The following TGFBR2 variants were observed in gnomAD, a reference collection of about 807,000 sequenced individuals.
The protein encoded by TGFBR2 is TGF-beta receptor type-2.
A neutral mutation model predicts 49.0 loss-of-function variants in TGFBR2; 18 were observed. The ratio of observed to expected loss-of-function variants is 0.37; its 90% CI spans 0.25 to 0.54. The LOEUF (loss-of-function observed/expected upper bound fraction) is 0.54. Ranked by LOEUF, TGFBR2 falls within the 20% of genes least tolerant of loss-of-function variation. The pLI, the probability that TGFBR2 is intolerant of heterozygous loss-of-function variation, is 0.85. For synonymous variants in TGFBR2, 282 were observed against 275.9 expected, an observed-to-expected ratio of 1.02 and a Z score of -0.22; for missense variants, 525 against 722.6, an observed-to-expected ratio of 0.73 and a Z score of 3.13.
At chr3:30,673,307 A>G (rs1476150993) in intron 4 of TGFBR2, among the ~76,000 whole-genome samples, 2 of 152,250 alleles carry the variant, frequency 1.3e-5, no homozygotes. Context: ...TGGAATGATA[A>G]TATCAACTCA....
intron 3 of TGFBR2, among the ~76,000 whole-genome samples, chr3:30,657,178 A>T (rs1379960720): frequency 6.6e-6 from 1 of 152,108 alleles, no homozygotes; most frequent in African/African-American, 2.4e-5. Flanking sequence ...TAGAAGGAAT[A>T]CCCTTACCCT....
chr3:30,618,545 C>A (rs937398866), intron 1 of TGFBR2, among the ~76,000 whole-genome samples: 2 of 152,086 alleles, frequency 1.3e-5, no homozygotes, highest in Non-Finnish European at 2.9e-5. Context: ...CCCAAGGACC[C>A]ATTTCTATAT....
intron 1 of TGFBR2, among the ~76,000 whole-genome samples, chr3:30,609,988 A>G (rs548608720): frequency 6.6e-6 from 1 of 152,234 alleles, no homozygotes; most frequent in Non-Finnish European, 1.5e-5. Flanking sequence ...TAACTACTAC[A>G]TGTTTTCTAC....
chr3:30,640,422 C>T (rs1336581942), intron 1 of TGFBR2, among the ~76,000 whole-genome samples: 1 of 152,112 alleles, frequency 6.6e-6, no homozygotes, highest in Non-Finnish European at 1.5e-5. Flanking sequence ...GGATTGGTTC[C>T]AAGACTCCTC....
At chr3:30,658,851 T>C (rs1031663553) in intron 3 of TGFBR2, among the ~76,000 whole-genome samples, 5 of 152,214 alleles carry the variant, frequency 3.3e-5, no homozygotes, top group African/African-American at 1.2e-4. Context: ...TGGTTCCCTC[T>C]GGACCCATTG....
rs1699183326 is a variant in TGFBR2 at position 30,663,423 on chromosome 3, T to TTA, written c.455-8212_455-8211dup. 2.0e-5 allele frequency among the ~76,000 whole-genome samples: 3 copies of TTA among 152,334 alleles called. No individual in the cohort carries two copies. The South Asian group carries it at 6.2e-4, about 32-fold the overall frequency. ...AATAGGTCAGACCATTTCATGTACT[T>TTA]TATAAAGGCACTTTGTAGATTTGTC... is the stretch of plus-strand genomic sequence containing the variant. On this transcript the variant is annotated intron_variant, in intron 3 of 6. Transcript: ENST00000295754.
rs1699447773 is a variant in TGFBR2 at position 30,676,793 on chromosome 3, C to T, written c.1396+2547C>T. 6.6e-6 allele frequency among the ~76,000 whole-genome samples: 1 copy of T among 152,126 alleles called. No homozygotes were observed. The highest frequency in any genetic ancestry group is 1.5e-5 in the Non-Finnish European group (1 of 68,042). On this transcript the variant is annotated intron_variant, in intron 5 of 6. Transcript: ENST00000295754. The surrounding 1 kb of genome is among the most constrained non-coding windows in gnomAD (Gnocchi z 4.3). ...TCCTGAGACCCCCGCATGGGGATGGCACTTCCTATCTAGCTGACATAGTTA... is the reference window on the plus strand; with the variant it reads ...TCCTGAGACCCCCGCATGGGGATGGTACTTCCTATCTAGCTGACATAGTTA...
chr3:30,671,045 A>G (rs1699327808), intron 3 of TGFBR2, among the ~76,000 whole-genome samples: 1 of 152,238 alleles, frequency 6.6e-6, no homozygotes, highest in Non-Finnish European at 1.5e-5. Flanking sequence ...TTTTTACCAG[A>G]TGTCATACAT....
intron 2 of TGFBR2, among the ~76,000 whole-genome samples, chr3:30,649,065 GGTGA>G (rs1483988707): frequency 1.3e-5 from 2 of 152,104 alleles, no homozygotes; most frequent in Non-Finnish European, 2.9e-5. Context: ...GGGGAAAATT[GGTGA>G]GTGAGTACAT....
intron 1 of TGFBR2, among the ~76,000 whole-genome samples, chr3:30,625,737 A>C (rs1698321081): frequency 6.6e-6 from 1 of 152,158 alleles, no homozygotes; most frequent in African/African-American, 2.4e-5. Flanking sequence ...CATATGAGAA[A>C]ATTAATTGGG....
At chr3:30,629,846 G>A (rs1407636264) in intron 1 of TGFBR2, among the ~76,000 whole-genome samples, 2 of 152,162 alleles carry the variant, frequency 1.3e-5, no homozygotes, top group Non-Finnish European at 1.5e-5. Flanking sequence ...AGAAGCGGTT[G>A]TCAAGAATGG....
Position 30,676,466 on chromosome 3 carries a change from C to A in TGFBR2, c.1396+2220C>A, listed in dbSNP as rs116052825. 4.6e-3 allele frequency among the ~76,000 whole-genome samples: 695 copies of A among 152,084 alleles called. 6 individuals carry two copies. The highest frequency in any genetic ancestry group is 0.016 in the African/African-American group (661 of 41,350). On this transcript the variant is annotated intron_variant, in intron 5 of 6. Coordinates refer to ENST00000295754, the MANE Select transcript of TGFBR2 (RefSeq NM_003242.6). The surrounding 1 kb of genome is among the most constrained non-coding windows in gnomAD (Gnocchi z 4.3). ...ATATGCATTCTCCTTTAAAAAAGAT[C>A]TGTCTCTTCTGACACCATCCCCTGT...
chr3:30,654,016 A>G (rs1698948542), intron 3 of TGFBR2, among the ~76,000 whole-genome samples: 2 of 152,132 alleles, frequency 1.3e-5, no homozygotes, highest in South Asian at 4.1e-4. Context: ...GTAAGGCACT[A>G]AAACCTGTGA....
intron 2 of TGFBR2, among the ~76,000 whole-genome samples, chr3:30,645,885 A>T (rs561263445): frequency 6.6e-6 from 1 of 152,186 alleles, no homozygotes; most frequent in African/African-American, 2.4e-5. Context: ...ATAATTATAC[A>T]TACACAGTGG....
At chr3:30,670,568 C>G (rs1339098840) in intron 3 of TGFBR2, among the ~76,000 whole-genome samples, 7 of 152,326 alleles carry the variant, frequency 4.6e-5, no homozygotes, top group Middle Eastern at 3.4e-3. Flanking sequence ...CTAGAGCTGC[C>G]TTTTGCTCTC....
At position 30,606,911 on chromosome 3, in the gene TGFBR2, T is replaced by G. The variant is rs2125438688; in HGVS notation, c.28T>G (p.Trp10Gly). MGRGLLRGL[W>G]PLHIVLWTRI... is the part of the protein sequence containing the mutation. ...GGGTCGGGGGCTGCTCAGGGGCCTGTGGCCGCTGCACATCGTCCTGTGGAC... is the reference window on the plus strand; with the variant it reads ...GGGTCGGGGGCTGCTCAGGGGCCTGGGGCCGCTGCACATCGTCCTGTGGAC... Residue 10 changes from tryptophan to glycine, a missense_variant, in exon 1 of 7, where the codon TGG (tryptophan) becomes GGG (glycine). By Grantham distance (184) the Trp-to-Gly change is radical. This residue lies in a region of TGFBR2 where 376 missense variants were observed against 478.2 expected (regional missense o/e 0.79). Transcript: ENST00000295754. The G allele has an allele frequency of 6.3e-7, 1 of 1,594,538 alleles. No homozygotes were observed.
At chr3:30,634,804 C>T (rs1401508861) in intron 1 of TGFBR2, among the ~76,000 whole-genome samples, 1 of 152,158 alleles carries the variant, frequency 6.6e-6, no homozygotes. Flanking sequence ...AGGTAAAGTA[C>T]CAACTTTAAA....
chr3:30,676,722 C>T lies in TGFBR2; in HGVS notation c.1396+2476C>T, dbSNP rs540601215. Among the ~76,000 whole-genome samples the T allele has an allele frequency of 1.9e-4, 29 of 152,320 alleles. No homozygotes were observed. Among genetic ancestry groups the T allele is most frequent in the African/African-American group, 6.0e-4 (25 of 41,574 alleles). ...CATAGCCAATTCTCCAGCGTGGGTC[C>T]GGGTCACCCCCTCCCATCCTGCACC... On this transcript the variant is annotated intron_variant, in intron 5 of 6. Coordinates refer to ENST00000295754, the MANE Select transcript of TGFBR2 (RefSeq NM_003242.6). This position sits in a 1 kb window ranked among gnomAD's most constrained non-coding sequence, Gnocchi z 4.3.
chr3:30,649,719 T>C (rs1446654149), intron 2 of TGFBR2, among the ~76,000 whole-genome samples: 1 of 152,172 alleles, frequency 6.6e-6, no homozygotes, highest in Admixed American at 6.5e-5. Context: ...GAACCAGCTG[T>C]TGACAAGGAG....
Sources: allele counts gnomAD v4.1 joint callset (sites outside exome capture counted in the v4.1 genomes callset), GRCh38; gene constraint gnomAD v4.1.1; regional missense constraint gnomAD v4.1.1; non-coding constraint Gnocchi (gnomAD v3.1); transcripts MANE v1.5; gene names NCBI Gene and HGNC (gene_info 2026-07-23, HGNC 2026-07-21).